The following TENM3 variants were observed in gnomAD, a reference collection of about 807,000 sequenced individuals.
TENM3 encodes teneurin-3.
In TENM3, 63 loss-of-function variants were observed where a neutral mutation model predicts 255.1. The ratio of observed to expected loss-of-function variants is 0.25; its 90% CI spans 0.20 to 0.30. The LOEUF is 0.30. Among genes scored for constraint, TENM3 ranks in the 10% least tolerant of loss-of-function variants. The pLI is 1.00. For missense variants in TENM3, 2,929 were observed against 3,461.1 expected (o/e 0.85, Z 3.86); for synonymous variants, 1,306 against 1,322.3 (o/e 0.99, Z 0.27).
intron 22 of TENM3, among the ~76,000 whole-genome samples, chr4:182,763,488 C>G (rs540556877): frequency 2.0e-5 from 3 of 151,932 alleles, no homozygotes; most frequent in Non-Finnish European, 2.9e-5. Context: ...TGGCGTGAAC[C>G]CAGGAGTTGG....
chr4:181,455,795 A>G, the TENM3 span, among the ~76,000 whole-genome samples: 2 of 151,950 alleles, frequency 1.3e-5, no homozygotes, highest in African/African-American at 2.4e-5. Context: ...AAAGTAGTGG[A>G]TTCAACTTTT....
the TENM3 span, among the ~76,000 whole-genome samples, chr4:181,663,178 A>G: frequency 0.15 from 22,360 of 152,104 alleles, 2,149 homozygotes; most frequent in African/African-American, 0.27. Flanking sequence ...GGTCTGCTTC[A>G]TAGACATTTT....
At chr4:182,151,670 A>C (rs1750366313) in intron 1 of TENM3, among the ~76,000 whole-genome samples, 1 of 152,056 alleles carries the variant, frequency 6.6e-6, no homozygotes, top group South Asian at 2.1e-4. Context: ...GGAGCAAAAA[A>C]ACAAAACAAA....
Position 182,759,761 on chromosome 4 carries a change from A to T in TENM3, c.4892+4502A>T, listed in dbSNP as rs189806027. 5.9e-5 allele frequency among the ~76,000 whole-genome samples: 9 copies of T among 152,352 alleles called. No homozygotes were observed. The East Asian group carries it at 1.4e-3, about 23-fold the overall frequency. ...AATAAGGTTTTTATCAATCACCAAT[A>T]AAGTAAGTAGGGTGATTCTTCGGGG... On this transcript the variant is annotated intron_variant, in intron 22 of 27. Coordinates refer to ENST00000511685, the MANE Select transcript of TENM3 (RefSeq NM_001080477.4).
At chr4:181,574,122 T>A in the TENM3 span, among the ~76,000 whole-genome samples, 1 of 152,262 alleles carries the variant, frequency 6.6e-6, no homozygotes, top group East Asian at 1.9e-4. Context: ...CTAACTCTGA[T>A]AACTGCTTTT....
intron 3 of TENM3, among the ~76,000 whole-genome samples, chr4:182,363,366 G>T (rs990830726): frequency 4.0e-5 from 6 of 151,462 alleles, no homozygotes; most frequent in African/African-American, 1.5e-4. Flanking sequence ...TGTATATATT[G>T]ATATATGTGT....
chr4:181,743,521 C>A, the TENM3 span, among the ~76,000 whole-genome samples: 2 of 152,024 alleles, frequency 1.3e-5, no homozygotes, highest in Non-Finnish European at 2.9e-5. Context: ...GGAAGGAAGC[C>A]TGCAGATACC....
chr4:182,559,928 AAC>A (rs1194526797), intron 3 of TENM3, among the ~76,000 whole-genome samples: 3 of 152,124 alleles, frequency 2.0e-5, no homozygotes, highest in Non-Finnish European at 2.9e-5. Flanking sequence ...GATTGTTTAT[AAC>A]ACAAAGAATA....
the TENM3 span, among the ~76,000 whole-genome samples, chr4:181,902,508 A>C: frequency 6.6e-6 from 1 of 152,324 alleles, no homozygotes; most frequent in Middle Eastern, 3.4e-3. Context: ...GATAGCAAAG[A>C]CTTGGAACCA....
chr4:182,062,130 G>A, the TENM3 span, among the ~76,000 whole-genome samples: 3 of 152,162 alleles, frequency 2.0e-5, no homozygotes, highest in Non-Finnish European at 2.9e-5. Flanking sequence ...GTCTAGCATA[G>A]ATTAAGAGAT....
the TENM3 span, among the ~76,000 whole-genome samples, chr4:182,095,654 G>A: frequency 1.3e-5 from 2 of 152,142 alleles, no homozygotes; most frequent in African/African-American, 4.8e-5. Context: ...CTGGTGTTCA[G>A]TAGCACAGTA....
chr4:181,517,997 G>A, the TENM3 span, among the ~76,000 whole-genome samples: 1 of 152,176 alleles, frequency 6.6e-6, no homozygotes, highest in South Asian at 2.1e-4. Context: ...CACGTGTTGT[G>A]TAGTAATCTT....
chr4:182,300,549 G>A (rs1298524987), intron 1 of TENM3, among the ~76,000 whole-genome samples: 1 of 152,140 alleles, frequency 6.6e-6, no homozygotes, highest in Non-Finnish European at 1.5e-5. Context: ...GACGGCTTGT[G>A]CCTACCTTTG....
chr4:181,988,463 C>A, the TENM3 span, among the ~76,000 whole-genome samples: 8 of 152,172 alleles, frequency 5.3e-5, no homozygotes, highest in African/African-American at 1.7e-4. Context: ...TCTACAAAAA[C>A]CAGTGACCAA....
the TENM3 span, among the ~76,000 whole-genome samples, chr4:181,717,156 C>A: frequency 2.0e-5 from 3 of 152,100 alleles, no homozygotes; most frequent in Non-Finnish European, 2.9e-5. Context: ...CAAGATCATT[C>A]ACATAATTAT....
At chr4:182,501,517 A>T (rs1473876828) in intron 3 of TENM3, among the ~76,000 whole-genome samples, 1 of 152,108 alleles carries the variant, frequency 6.6e-6, no homozygotes, top group Non-Finnish European at 1.5e-5. Flanking sequence ...AATTAAAGTC[A>T]TTTGGATACA....
the TENM3 span, among the ~76,000 whole-genome samples, chr4:181,699,578 T>A: frequency 1.1e-3 from 159 of 150,674 alleles, 1 homozygote; most frequent in Non-Finnish European, 2.1e-4. Context: ...TTGAGATACA[T>A]ACAAAATATA....
intron 1 of TENM3, among the ~76,000 whole-genome samples, chr4:182,153,668 A>G (rs939646837): frequency 5.3e-5 from 8 of 152,142 alleles, no homozygotes; most frequent in African/African-American, 1.7e-4. Flanking sequence ...TGCTTGTTCT[A>G]TGAGATGCCA....
At chr4:182,256,026 C>T (rs990299159) in intron 1 of TENM3, among the ~76,000 whole-genome samples, 1 of 152,180 alleles carries the variant, frequency 6.6e-6, no homozygotes, top group African/African-American at 2.4e-5. Context: ...CCATTAAGGG[C>T]GTATTGCACA....
Sources: gnomAD v4.1 joint callset for allele counts (sites outside exome capture counted in the v4.1 genomes callset) on GRCh38, gnomAD v4.1.1 for gene constraint, MANE v1.5 for transcripts, NCBI Gene and HGNC (gene_info 2026-07-23, HGNC 2026-07-21) for gene names.